GRIP1: variants seen among roughly 807,000 people sequenced by gnomAD.
GRIP1 encodes glutamate receptor-interacting protein 1.
GRIP1 carries 45 observed loss-of-function variants against 129.9 expected under a neutral mutation model. The observed-to-expected ratio is 0.35, with a 90% CI of 0.27 to 0.44. The LOEUF is 0.44. Among genes scored for constraint, GRIP1 ranks in the 20% least tolerant of loss-of-function variants. The pLI, the probability that GRIP1 is intolerant of heterozygous loss-of-function variation, is 1.00. For missense variants in GRIP1, 1,196 were observed against 1,396.8 expected (o/e 0.86, Z 2.29); for synonymous variants, 530 against 520.8 (o/e 1.02, Z -0.24).
At chr12:66,727,364 G>C (rs2036288414) in intron 1 of GRIP1, among the ~76,000 whole-genome samples, 1 of 152,180 alleles carries the variant, frequency 6.6e-6, no homozygotes, top group Non-Finnish European at 1.5e-5. Flanking sequence ...ACAGTTCTGA[G>C]GTGAGGTCTT....
chr12:66,754,485 T>C (rs375292652), intron 1 of GRIP1, among the ~76,000 whole-genome samples: 24 of 152,122 alleles, frequency 1.6e-4, no homozygotes, highest in African/African-American at 5.1e-4. Flanking sequence ...TTAGATTAAG[T>C]TGCGGGTTTA....
chr12:66,773,336 T>C (rs545304611), intron 1 of GRIP1, among the ~76,000 whole-genome samples: 114 of 152,322 alleles, frequency 7.5e-4, no homozygotes, highest in Non-Finnish European at 1.1e-3. Context: ...TTTATAATCC[T>C]TTGGGTATAT....
At chr12:66,932,658 A>G (rs1820152250) in intron 1 of GRIP1, among the ~76,000 whole-genome samples, 2 of 151,886 alleles carry the variant, frequency 1.3e-5, no homozygotes, top group South Asian at 2.1e-4. Context: ...TAGATTATCA[A>G]TGTTTTTTGT....
At chr12:66,515,494 A>G in intron 7 of GRIP1, 125 bp downstream of exon 7, 1 of 882,726 alleles carries the variant, frequency 1.1e-6, no homozygotes, top group Non-Finnish European at 1.9e-6. Context: ...AAAATGATAT[A>G]GTATTTATGA....
At chr12:66,382,007 C>T (rs1320793264) in intron 19 of GRIP1, among the ~76,000 whole-genome samples, 1 of 152,202 alleles carries the variant, frequency 6.6e-6, no homozygotes, top group East Asian at 1.9e-4. Context: ...AGGCAGATCG[C>T]TTGAGCTTAG....
chr12:66,537,270 C>T (rs965963832), intron 4 of GRIP1, among the ~76,000 whole-genome samples: 1 of 152,130 alleles, frequency 6.6e-6, no homozygotes, highest in African/African-American at 2.4e-5. Context: ...AAGTAACTTT[C>T]TCAAAGGCAT....
chr12:66,827,395 A>T (rs879903750), intron 1 of GRIP1, among the ~76,000 whole-genome samples: 5,020 of 137,014 alleles, frequency 0.037, 113 homozygotes, highest in Non-Finnish European at 0.052. Context: ...TGTGAGAGAG[A>T]GAGAGAGAGA....
chr12:66,869,383 T>C (rs931405464), intron 1 of GRIP1, among the ~76,000 whole-genome samples: 2 of 152,024 alleles, frequency 1.3e-5, no homozygotes, highest in Non-Finnish European at 2.9e-5. Flanking sequence ...TCCAAGTGAA[T>C]TGCATGGTGA....
chr12:66,974,047 CT>C (rs1389993913), intron 1 of GRIP1, among the ~76,000 whole-genome samples: 1 of 151,792 alleles, frequency 6.6e-6, no homozygotes, highest in Non-Finnish European at 1.5e-5. Flanking sequence ...CCCTAGCCTC[CT>C]GAGTAGGTGG....
rs141497356 is a variant in GRIP1 at position 66,875,068 on chromosome 12, C to T, written c.58+193982G>A. ...TATATTTTCTTCACCTAGCACAGTG[C>T]CTCATACAATGTAGGCATTTAATAA... On this transcript the variant is annotated intron_variant, in intron 1 of 1. Transcript: ENST00000643019. Among the ~76,000 whole-genome samples, 317 of 152,048 alleles carry T rather than the reference C, an allele frequency of 2.1e-3. 2 individuals carry two copies. Among genetic ancestry groups the T allele is most frequent in the African/African-American group, 7.3e-3 (302 of 41,488 alleles).
At chr12:66,498,722 T>A (rs1175247457) in intron 7 of GRIP1, among the ~76,000 whole-genome samples, 1 of 152,170 alleles carries the variant, frequency 6.6e-6, no homozygotes, top group Non-Finnish European at 1.5e-5. Context: ...TATTTGAGAT[T>A]TCTTATCTTT....
intron 2 of GRIP1, among the ~76,000 whole-genome samples, chr12:66,584,465 C>T (rs558354456): frequency 6.6e-6 from 1 of 152,166 alleles, no homozygotes; most frequent in Non-Finnish European, 1.5e-5. Context: ...CCCAGCTACT[C>T]GGGAGGCTGA....
intron 24 of GRIP1, 83 bp from the exon 25 acceptor site, chr12:66,349,329 G>C (rs2054116948): frequency 2.7e-6 from 3 of 1,102,704 alleles, no homozygotes; most frequent in Non-Finnish European, 4.2e-6. Flanking sequence ...GGTGCAACAA[G>C]TTGTTTGAAG....
chr12:67,001,251 A>G (rs1007904249), intron 1 of GRIP1, among the ~76,000 whole-genome samples: 3 of 152,150 alleles, frequency 2.0e-5, no homozygotes, highest in African/African-American at 7.2e-5. Flanking sequence ...AGGGCCAACC[A>G]TCCACCCGTG....
chr12:66,484,567 T>C (rs1054619972), intron 7 of GRIP1, among the ~76,000 whole-genome samples: 5 of 152,164 alleles, frequency 3.3e-5, no homozygotes, highest in African/African-American at 9.7e-5. Context: ...AAGTGAAGTA[T>C]GCCACGCACA....
chr12:66,417,843 G>A (rs990146093), intron 15 of GRIP1, among the ~76,000 whole-genome samples: 4 of 152,004 alleles, frequency 2.6e-5, no homozygotes, highest in African/African-American at 9.7e-5. Flanking sequence ...GATCAATATT[G>A]TTAAAATATC....
intron 1 of GRIP1, among the ~76,000 whole-genome samples, chr12:66,729,722 C>T (rs1475155501): frequency 1.3e-5 from 2 of 152,062 alleles, no homozygotes; most frequent in African/African-American, 4.8e-5. Flanking sequence ...CTCAGGTGCC[C>T]GCCACCACGC....
intron 11 of GRIP1, among the ~76,000 whole-genome samples, chr12:66,449,527 G>A (rs1337074286): frequency 1.3e-5 from 2 of 152,180 alleles, no homozygotes; most frequent in Non-Finnish European, 2.9e-5. Context: ...GCAGTGGGGG[G>A]TGAAGATAGC....
chr12:66,692,948 T>C (rs2035030388), intron 1 of GRIP1, among the ~76,000 whole-genome samples: 1 of 152,192 alleles, frequency 6.6e-6, no homozygotes, highest in African/African-American at 2.4e-5. Context: ...GTACCTAACA[T>C]ATAACAAATG....
Sources: gnomAD v4.1 joint callset for allele counts (sites outside exome capture counted in the v4.1 genomes callset) on GRCh38, gnomAD v4.1.1 for gene constraint, MANE v1.5 for transcripts, NCBI Gene and HGNC (gene_info 2026-07-23, HGNC 2026-07-21) for gene names.